KCNK2: variants seen among roughly 807,000 people sequenced by gnomAD.
The protein encoded by KCNK2 is potassium channel subfamily K member 2.
In KCNK2, 21 loss-of-function variants were observed where a neutral mutation model predicts 40.5. The observed-to-expected ratio is 0.52, with a 90% CI of 0.37 to 0.75. KCNK2 has a LOEUF of 0.75. KCNK2 is among the 30% of genes least tolerant of loss of function. The probability of loss-of-function intolerance (pLI) is 0.00; values close to 1 mark genes in which losing one functional copy is unlikely to be tolerated. For synonymous variants in KCNK2, 191 were observed against 202.2 expected, an observed-to-expected ratio of 0.94 and a Z score of 0.47; for missense variants, 399 against 531.6, an observed-to-expected ratio of 0.75 and a Z score of 2.45.
upstream of KCNK2, among the ~76,000 whole-genome samples, chr1:215,082,694 A>G (rs1214408696): frequency 1.3e-5 from 2 of 151,626 alleles, no homozygotes; most frequent in Non-Finnish European, 2.9e-5. Flanking sequence ...GCGGTGAGAC[A>G]GGAGGGGGAG....
At chr1:215,122,111 A>G (rs562098846) in intron 2 of KCNK2, among the ~76,000 whole-genome samples, 1 of 152,290 alleles carries the variant, frequency 6.6e-6, no homozygotes, top group South Asian at 2.1e-4. Flanking sequence ...ATATTTGGGA[A>G]TAACCTTATA....
chr1:215,232,124 A>C (rs1666691292), intron 6 of KCNK2, among the ~76,000 whole-genome samples: 1 of 152,220 alleles, frequency 6.6e-6, no homozygotes, highest in Non-Finnish European at 1.5e-5. Flanking sequence ...ACACATTAGC[A>C]AAGGTGTAGG....
intron 3 of KCNK2, among the ~76,000 whole-genome samples, chr1:215,135,358 C>A (rs1429239550): frequency 6.6e-6 from 1 of 152,028 alleles, no homozygotes; most frequent in African/African-American, 2.4e-5. Context: ...GTTGTGAAGA[C>A]TAAATGAGGC....
At chr1:215,222,644 A>G (rs914427975) in intron 6 of KCNK2, among the ~76,000 whole-genome samples, 3 of 152,164 alleles carry the variant, frequency 2.0e-5, no homozygotes, top group Non-Finnish European at 2.9e-5. Context: ...AGAAGACCTT[A>G]TGAATATTAC....
At chr1:215,018,832 C>T (rs1656683354) in intron 1 of KCNK2, among the ~76,000 whole-genome samples, 1 of 152,076 alleles carries the variant, frequency 6.6e-6, no homozygotes, top group Admixed American at 6.6e-5. Context: ...ATCAAATTTG[C>T]ATTCTTAAAA....
chr1:215,083,143 G>A lies in KCNK2; in HGVS notation c.-243G>A. 1.2e-6 allele frequency: 1 copy of A among 845,326 alleles called. No individual in the cohort carries two copies. The highest frequency in any genetic ancestry group is 1.9e-6 in the Non-Finnish European group (1 of 535,448). 52.4% of individuals were successfully genotyped at this position (845,326 alleles called of 1,614,324 possible). On this transcript the variant is annotated 5_prime_UTR_variant, in exon 1 of 7. Transcript: ENST00000444842. ...CAACTTGGCCTCCGCCTCGCCCTCT[G>A]CCCAGCCCGCCGGTGTCCCCTCCTT...
chr1:215,051,929 A>G (rs1658003780), intron 1 of KCNK2, among the ~76,000 whole-genome samples: 1 of 152,234 alleles, frequency 6.6e-6, no homozygotes, highest in Non-Finnish European at 1.5e-5. Context: ...TAAGTAAAGA[A>G]TATGCTCACC....
At chr1:215,217,625 T>C (rs1666012978) in intron 6 of KCNK2, among the ~76,000 whole-genome samples, 1 of 152,186 alleles carries the variant, frequency 6.6e-6, no homozygotes, top group Non-Finnish European at 1.5e-5. Flanking sequence ...GAAACCTAAA[T>C]AATTTCTTCC....
chr1:215,148,079 C>CTTTT (rs1558112802), intron 3 of KCNK2, among the ~76,000 whole-genome samples: 4 of 76,684 alleles, frequency 5.2e-5, no homozygotes, highest in African/African-American at 1.5e-4. Flanking sequence ...ATTTTCTTTT[C>CTTTT]CTTTTTTTTT....
At chr1:215,022,826 C>T (rs957668079) in intron 1 of KCNK2, among the ~76,000 whole-genome samples, 15 of 152,116 alleles carry the variant, frequency 9.9e-5, no homozygotes, top group African/African-American at 3.4e-4. Flanking sequence ...AAGAAAGAAA[C>T]AAACCCTGGA....
chr1:215,134,120 A>AG (rs386354592), intron 3 of KCNK2, among the ~76,000 whole-genome samples: 9 of 151,146 alleles, frequency 6.0e-5, no homozygotes, highest in Non-Finnish European at 1.3e-4. Context: ...GAAAAAAAAA[A>AG]TTCTCCCACT....
intron 3 of KCNK2, among the ~76,000 whole-genome samples, chr1:215,141,466 A>G (rs1349841806): frequency 1.3e-5 from 2 of 152,122 alleles, no homozygotes; most frequent in African/African-American, 4.8e-5. Context: ...CTGCTGTTGT[A>G]TATGTGGTCT....
At chr1:215,039,492 A>G (rs1284317625) in intron 1 of KCNK2, among the ~76,000 whole-genome samples, 1 of 152,156 alleles carries the variant, frequency 6.6e-6, no homozygotes, top group Non-Finnish European at 1.5e-5. Context: ...TTGCCAAATA[A>G]CATAGTATTG....
At chr1:215,076,125 T>C (rs1203100345) in intron 1 of KCNK2, among the ~76,000 whole-genome samples, 1 of 152,220 alleles carries the variant, frequency 6.6e-6, no homozygotes. Flanking sequence ...TCCCTTCTCA[T>C]TAACACATTC....
At chr1:215,142,237 C>T (rs531013168) in intron 3 of KCNK2, among the ~76,000 whole-genome samples, 5 of 151,898 alleles carry the variant, frequency 3.3e-5, no homozygotes, top group African/African-American at 1.2e-4. Flanking sequence ...ACGTTTTATT[C>T]TCTCCTGTTG....
intron 1 of KCNK2, among the ~76,000 whole-genome samples, chr1:215,054,304 C>G (rs924430689): frequency 6.6e-6 from 1 of 152,180 alleles, no homozygotes; most frequent in Non-Finnish European, 1.5e-5. Context: ...GAAAGAGTTA[C>G]TTACACACAG....
chr1:215,203,875 A>G (rs1275146984), intron 6 of KCNK2, among the ~76,000 whole-genome samples: 1 of 151,832 alleles, frequency 6.6e-6, no homozygotes, highest in Admixed American at 6.6e-5. Context: ...CGTCTCTACT[A>G]AAAACACAAA....
intron 3 of KCNK2, among the ~76,000 whole-genome samples, chr1:215,158,660 T>A (rs984614761): frequency 6.6e-6 from 1 of 152,192 alleles, no homozygotes; most frequent in African/African-American, 2.4e-5. Flanking sequence ...ATTTGCCATC[T>A]TAGAGGTAGG....
intron 5 of KCNK2, among the ~76,000 whole-genome samples, chr1:215,191,432 C>T (rs1367910599): frequency 1.3e-5 from 2 of 151,980 alleles, no homozygotes; most frequent in African/African-American, 4.8e-5. Flanking sequence ...TTTAGGAAAC[C>T]TGCTTTGTGG....
Sources: allele counts gnomAD v4.1 joint callset (sites outside exome capture counted in the v4.1 genomes callset), GRCh38; gene constraint gnomAD v4.1.1; transcripts MANE v1.5; gene names NCBI Gene and HGNC (gene_info 2026-07-23, HGNC 2026-07-21).